ZNF407: variants seen among roughly 807,000 people sequenced by gnomAD.
ZNF407 encodes the protein zinc finger protein 407.
ZNF407 carries 17 observed loss-of-function variants against 131.2 expected under a neutral mutation model. The ratio of observed to expected loss-of-function variants is 0.13; its 90% CI spans 0.09 to 0.19. The LOEUF is 0.19. Among genes scored for constraint, ZNF407 ranks in the 10% least tolerant of loss-of-function variants. The probability of loss-of-function intolerance (pLI) is 1.00; values close to 1 mark genes in which losing one functional copy is unlikely to be tolerated. For missense variants in ZNF407, 2,681 were observed against 2,830.6 expected, an observed-to-expected ratio of 0.95 and a Z score of 1.20; for synonymous variants, 1,156 against 1,062.0, an observed-to-expected ratio of 1.09 and a Z score of -1.72.
chr18:74,839,174 A>G (rs1970598378), intron 4 of ZNF407, among the ~76,000 whole-genome samples: 1 of 152,240 alleles, frequency 6.6e-6, no homozygotes, highest in Non-Finnish European at 1.5e-5. Context: ...GTATTTAAGA[A>G]ATAATTTCAT....
intron 4 of ZNF407, among the ~76,000 whole-genome samples, chr18:74,862,317 G>T (rs202227872): frequency 2.0e-5 from 3 of 152,198 alleles, no homozygotes; most frequent in African/African-American, 7.2e-5. Context: ...TGGATCGAGT[G>T]TGGCACACAC....
At chr18:74,941,592 G>A (rs1042885023) in intron 8 of ZNF407, among the ~76,000 whole-genome samples, 2 of 152,194 alleles carry the variant, frequency 1.3e-5, no homozygotes, top group Non-Finnish European at 2.9e-5. Flanking sequence ...TATAAATAGG[G>A]TTGTAATAAA....
intron 3 of ZNF407, among the ~76,000 whole-genome samples, chr18:74,702,473 TC>T (rs1332561858): frequency 6.6e-6 from 1 of 152,168 alleles, no homozygotes; most frequent in Non-Finnish European, 1.5e-5. Context: ...TCAGTATTTT[TC>T]TAAATATAGA....
chr18:74,694,841 G>C (rs1967313624), intron 3 of ZNF407, among the ~76,000 whole-genome samples: 1 of 152,024 alleles, frequency 6.6e-6, no homozygotes, highest in Non-Finnish European at 1.5e-5. Flanking sequence ...TGTAATTTCT[G>C]TACCTATTTC....
chr18:75,030,961 A>C (rs562806072), intron 8 of ZNF407, among the ~76,000 whole-genome samples: 136 of 152,354 alleles, frequency 8.9e-4, no homozygotes, highest in Non-Finnish European at 1.6e-3. Flanking sequence ...CTTCCCAGTC[A>C]TTAATAAATC....
At chr18:74,972,630 G>T (rs1353520490) in intron 8 of ZNF407, among the ~76,000 whole-genome samples, 1 of 152,110 alleles carries the variant, frequency 6.6e-6, no homozygotes. Flanking sequence ...TCTGTTGCTT[G>T]GTGAGTCCAC....
Position 74,764,113 on chromosome 18 carries a change from G to A in ZNF407, c.4803-17315G>A, listed in dbSNP as rs77097445. ...TTCATGTTTGCTTTGTTTGCAATTC[G>A]TTGACCTTTTTTGATTTGTGAGTTT... is the stretch of plus-strand genomic sequence containing the variant. On this transcript the variant is annotated intron_variant, in intron 3 of 8. Coordinates refer to ENST00000299687, the MANE Select transcript of ZNF407 (RefSeq NM_017757.3). Among the ~76,000 whole-genome samples the A allele has an allele frequency of 7.5e-3, 1,129 of 150,704 alleles. 10 individuals carry two copies. The highest frequency in any genetic ancestry group is 0.026 in the African/African-American group (1,078 of 40,928).
intron 8 of ZNF407, among the ~76,000 whole-genome samples, chr18:74,965,839 T>C (rs1972403377): frequency 6.6e-6 from 1 of 152,214 alleles, no homozygotes; most frequent in Non-Finnish European, 1.5e-5. Context: ...GCCTTTTGAA[T>C]ATAAGCCATT....
chr18:74,848,223 A>C (rs1970729359), intron 4 of ZNF407, among the ~76,000 whole-genome samples: 1 of 152,210 alleles, frequency 6.6e-6, no homozygotes, highest in African/African-American at 2.4e-5. Flanking sequence ...AGAAACGTTG[A>C]GAAGAACTGA....
At chr18:74,830,408 G>A (rs1415200731) in intron 4 of ZNF407, among the ~76,000 whole-genome samples, 1 of 152,014 alleles carries the variant, frequency 6.6e-6, no homozygotes, top group Non-Finnish European at 1.5e-5. Flanking sequence ...TCAGCCCCCT[G>A]AGTAGCTGTG....
intron 3 of ZNF407, among the ~76,000 whole-genome samples, chr18:74,773,537 G>A (rs1364953930): frequency 1.3e-5 from 2 of 152,122 alleles, no homozygotes; most frequent in East Asian, 3.8e-4. Context: ...TGGAAGCCAA[G>A]TTACTAGAGA....
intron 4 of ZNF407, among the ~76,000 whole-genome samples, chr18:74,832,224 T>A (rs1970495589): frequency 6.6e-6 from 1 of 152,184 alleles, no homozygotes; most frequent in East Asian, 1.9e-4. Context: ...TATTAAGTGG[T>A]AACAATGAGA....
intron 3 of ZNF407, among the ~76,000 whole-genome samples, chr18:74,662,815 A>G (rs140855856): frequency 3.0e-4 from 46 of 152,324 alleles, no homozygotes; most frequent in South Asian, 4.1e-4. Flanking sequence ...AAAGTATTCA[A>G]TTGTCACTCT....
At chr18:74,643,226 A>G (rs17055298) in intron 3 of ZNF407, among the ~76,000 whole-genome samples, 2,524 of 152,254 alleles carry the variant, frequency 0.017, 75 homozygotes, top group African/African-American at 0.058. Context: ...AAGTCAATTC[A>G]TTATCATTGA....
chr18:74,640,961 G>A (rs1235173596), intron 2 of ZNF407, 47 bp from the exon 3 acceptor site: 2 of 1,360,140 alleles, frequency 1.5e-6, no homozygotes, highest in Non-Finnish European at 1.1e-6. Context: ...AGCTATTGGT[G>A]ATGTATTATT....
intron 1 of ZNF407, among the ~76,000 whole-genome samples, chr18:74,616,437 C>T (rs1983291656): frequency 6.6e-6 from 1 of 151,952 alleles, no homozygotes; most frequent in Non-Finnish European, 1.5e-5. Context: ...AAACCTTTGT[C>T]GTTTTTATGG....
At chr18:74,779,109 A>ATTTTTTTTTT (rs869191171) in intron 3 of ZNF407, among the ~76,000 whole-genome samples, 4 of 24,376 alleles carry the variant, frequency 1.6e-4, no homozygotes, top group African/African-American at 2.8e-4. Flanking sequence ...ATATATATAT[A>ATTTTTTTTTT]TTTTTTTTTT....
intron 4 of ZNF407, among the ~76,000 whole-genome samples, chr18:74,862,182 G>A (rs1233256603): frequency 6.6e-6 from 1 of 152,198 alleles, no homozygotes; most frequent in Non-Finnish European, 1.5e-5. Flanking sequence ...TACAAATAAT[G>A]GATGGAAACA....
chr18:75,041,144 T>C (rs1028197353), intron 8 of ZNF407, among the ~76,000 whole-genome samples: 3 of 152,174 alleles, frequency 2.0e-5, no homozygotes, highest in Admixed American at 6.5e-5. Flanking sequence ...AACTGAAGCT[T>C]AGAGAGGTGG....
Sources: gnomAD v4.1 joint callset for allele counts (sites outside exome capture counted in the v4.1 genomes callset) on GRCh38, gnomAD v4.1.1 for gene constraint, MANE v1.5 for transcripts, NCBI Gene and HGNC (gene_info 2026-07-23, HGNC 2026-07-21) for gene names.